Variants in LPP observed in about 807,000 individuals in gnomAD.
LPP encodes LIM domain containing preferred translocation partner in lipoma.
In LPP, 38 loss-of-function variants were observed where a neutral mutation model predicts 60.4. The observed-to-expected ratio is 0.63, with a 90% CI of 0.49 to 0.83. LPP has a LOEUF of 0.83. LPP is among the 40% of genes least tolerant of loss of function. The pLI is 0.00. For missense variants in LPP, 902 were observed against 783.6 expected (o/e 1.15, Z -1.80); for synonymous variants, 328 against 290.8 (o/e 1.13, Z -1.30).
At chr3:188,348,601 G>T (rs1198740239) in intron 3 of LPP, among the ~76,000 whole-genome samples, 1 of 152,202 alleles carries the variant, frequency 6.6e-6, no homozygotes, top group African/African-American at 2.4e-5. Flanking sequence ...CATCTTGACA[G>T]TTGTAAGTCT....
chr3:188,390,811 C>T (rs1261534733), intron 3 of LPP, among the ~76,000 whole-genome samples: 2 of 152,074 alleles, frequency 1.3e-5, no homozygotes, highest in Non-Finnish European at 2.9e-5. Context: ...AATAATCTTC[C>T]TTCTTGTCAG....
At chr3:188,227,451 T>A (rs1233631572) in intron 2 of LPP, among the ~76,000 whole-genome samples, 1 of 151,378 alleles carries the variant, frequency 6.6e-6, no homozygotes, top group Non-Finnish European at 1.5e-5. Flanking sequence ...GAAGTTTTTG[T>A]TGTTCATAAG....
chr3:188,542,383 TTC>T (rs1268834590), intron 6 of LPP, among the ~76,000 whole-genome samples: 1 of 152,166 alleles, frequency 6.6e-6, no homozygotes, highest in Non-Finnish European at 1.5e-5. Flanking sequence ...AGGCACATCC[TTC>T]TCTCTCTCAG....
chr3:188,665,908 A>G (rs1286240896), intron 7 of LPP, among the ~76,000 whole-genome samples: 1 of 152,250 alleles, frequency 6.6e-6, no homozygotes. Context: ...TTTTGCATTT[A>G]GTATATAATT....
At chr3:188,436,306 A>T (rs1360441236) in intron 4 of LPP, among the ~76,000 whole-genome samples, 1 of 152,190 alleles carries the variant, frequency 6.6e-6, no homozygotes, top group Non-Finnish European at 1.5e-5. Flanking sequence ...AATTGACGTT[A>T]TCAGTTTTAG....
chr3:188,370,372 C>G (rs993679460), intron 3 of LPP, among the ~76,000 whole-genome samples: 2 of 152,194 alleles, frequency 1.3e-5, no homozygotes, highest in Non-Finnish European at 2.9e-5. Context: ...CTCTTGTGCC[C>G]TGGAGTGATG....
chr3:188,337,843 T>G (rs771516735), intron 2 of LPP, among the ~76,000 whole-genome samples: 8 of 152,180 alleles, frequency 5.3e-5, no homozygotes, highest in Non-Finnish European at 1.2e-4. Flanking sequence ...TTGTTGTGGC[T>G]GTCTTTGTGA....
At chr3:188,672,070 A>G (rs918514772) in intron 7 of LPP, among the ~76,000 whole-genome samples, 1 of 152,226 alleles carries the variant, frequency 6.6e-6, no homozygotes, top group African/African-American at 2.4e-5. Flanking sequence ...TGCATTTTGA[A>G]TGCTTTCTTG....
intron 6 of LPP, among the ~76,000 whole-genome samples, chr3:188,560,268 G>A (rs1410214290): frequency 6.6e-6 from 1 of 152,066 alleles, no homozygotes; most frequent in African/African-American, 2.4e-5. Context: ...GTTTATCTCT[G>A]TGCTATGCTA....
At chr3:188,322,961 A>G (rs562767397) in intron 2 of LPP, among the ~76,000 whole-genome samples, 1 of 152,224 alleles carries the variant, frequency 6.6e-6, no homozygotes, top group Non-Finnish European at 1.5e-5. Flanking sequence ...GTCATCTTCC[A>G]TCTTCACTTT....
At chr3:188,613,549 T>C (rs1844277497) in intron 7 of LPP, among the ~76,000 whole-genome samples, 1 of 152,100 alleles carries the variant, frequency 6.6e-6, no homozygotes. Flanking sequence ...TCCAGGGAAG[T>C]TGGAGAATCT....
intron 3 of LPP, among the ~76,000 whole-genome samples, chr3:188,367,268 A>G (rs1027356713): frequency 1.3e-5 from 2 of 152,018 alleles, no homozygotes; most frequent in African/African-American, 2.4e-5. Flanking sequence ...TCCCCTTAGC[A>G]TGGCCTATTA....
intron 1 of LPP, among the ~76,000 whole-genome samples, chr3:188,211,598 C>T (rs1404250954): frequency 6.6e-6 from 1 of 152,136 alleles, no homozygotes; most frequent in Non-Finnish European, 1.5e-5. Flanking sequence ...CTTCACTGCT[C>T]CAACTTAGTC....
chr3:188,482,130 G>A (rs1475390251), intron 4 of LPP, among the ~76,000 whole-genome samples: 1 of 152,158 alleles, frequency 6.6e-6, no homozygotes, highest in African/African-American at 2.4e-5. Flanking sequence ...CACTATGTGA[G>A]ATGTGCTTGC....
intron 4 of LPP, among the ~76,000 whole-genome samples, chr3:188,479,476 C>T (rs896244612): frequency 7.2e-5 from 11 of 152,264 alleles, no homozygotes; most frequent in East Asian, 1.9e-4. Flanking sequence ...CTGAGATGTA[C>T]GAGTCAAAGA....
chr3:188,761,706 A>T lies in LPP; in HGVS notation c.1410+1424A>T, dbSNP rs143917005. 1.7e-3 allele frequency among the ~76,000 whole-genome samples: 265 copies of T among 152,316 alleles called. 1 individual carries two copies. Among genetic ancestry groups the T allele is most frequent in the African/African-American group, 6.3e-3 (262 of 41,556 alleles). Reference sequence around the variant, plus strand: ...GGTTTTCATTTTCCTAAACATAAAGATAAACAAAGTAATGTACTGTTGATC... The same window carrying T: ...GGTTTTCATTTTCCTAAACATAAAGTTAAACAAAGTAATGTACTGTTGATC... On this transcript the variant is annotated intron_variant, in intron 9 of 11. Transcript: ENST00000617246.
chr3:188,404,317 T>C (rs181608470), intron 3 of LPP, among the ~76,000 whole-genome samples: 2 of 152,302 alleles, frequency 1.3e-5, no homozygotes, highest in Admixed American at 1.3e-4. Flanking sequence ...CAATCACAGC[T>C]TACCGCAGCC....
At chr3:188,399,811 A>C (rs1214143561) in intron 3 of LPP, among the ~76,000 whole-genome samples, 1 of 152,238 alleles carries the variant, frequency 6.6e-6, no homozygotes, top group Non-Finnish European at 1.5e-5. Flanking sequence ...TTGGTGATCT[A>C]TATAAATCTT....
intron 8 of LPP, among the ~76,000 whole-genome samples, chr3:188,751,605 C>G (rs1728093400): frequency 6.6e-6 from 1 of 152,192 alleles, no homozygotes; most frequent in African/African-American, 2.4e-5. Context: ...AGTAGTAAGT[C>G]AGTTTAGAAA....
Sources: gnomAD v4.1 joint callset for allele counts (sites outside exome capture counted in the v4.1 genomes callset) on GRCh38, gnomAD v4.1.1 for gene constraint, MANE v1.5 for transcripts, NCBI Gene and HGNC (gene_info 2026-07-23, HGNC 2026-07-21) for gene names.